EIF4G3: variants seen among roughly 807,000 people sequenced by gnomAD.
EIF4G3 encodes eukaryotic translation initiation factor 4 gamma 3.
In EIF4G3, 34 loss-of-function variants were observed where a neutral mutation model predicts 186.4. That is an observed-to-expected ratio of 0.18 (90% CI 0.14 to 0.24). EIF4G3 has a LOEUF of 0.24. Ranked by LOEUF, EIF4G3 falls within the 10% of genes least tolerant of loss-of-function variation. EIF4G3 has a pLI of 1.00. For missense variants in EIF4G3, 1,536 were observed against 1,948.5 expected, an observed-to-expected ratio of 0.79 and a Z score of 3.99; for synonymous variants, 673 against 679.5, an observed-to-expected ratio of 0.99 and a Z score of 0.15.
At chr1:20,879,217 A>G in intron 20 of EIF4G3, 106 bp downstream of exon 20, 2 of 798,422 alleles carry the variant, frequency 2.5e-6, no homozygotes, top group Non-Finnish European at 3.7e-6. Flanking sequence ...CTAAAAATAT[A>G]TTCTCCCCTT....
At chr1:21,105,076 T>C (rs996063899) in intron 2 of EIF4G3, among the ~76,000 whole-genome samples, 1 of 151,594 alleles carries the variant, frequency 6.6e-6, no homozygotes, top group African/African-American at 2.4e-5. Flanking sequence ...GAGTGGAGAG[T>C]GAGGGTTGAA....
At chr1:21,170,210 C>CAAA (rs2097930205) in intron 2 of EIF4G3, among the ~76,000 whole-genome samples, 1 of 151,988 alleles carries the variant, frequency 6.6e-6, no homozygotes, top group African/African-American at 2.4e-5. Flanking sequence ...AACAAACAAA[C>CAAA]AAACAAATAA....
intron 2 of EIF4G3, among the ~76,000 whole-genome samples, chr1:21,152,368 A>T (rs114427924): frequency 0.018 from 2,699 of 151,148 alleles, 39 homozygotes; most frequent in Non-Finnish European, 0.028. Context: ...TAAAATTTTT[A>T]AAAAAATCTT....
chr1:20,820,600 AGTAGGGGCTCATGGTGC>A (rs1290417787), intron 33 of EIF4G3, among the ~76,000 whole-genome samples: 1 of 152,152 alleles, frequency 6.6e-6, no homozygotes, highest in African/African-American at 2.4e-5. Context: ...AGCAGAGTGG[AGTAGGGGCTCATGGTGC>A]CTCTTCCAGG....
At chr1:21,160,443 T>G (rs145855309) in intron 2 of EIF4G3, among the ~76,000 whole-genome samples, 1 of 152,122 alleles carries the variant, frequency 6.6e-6, no homozygotes, top group Non-Finnish European at 1.5e-5. Flanking sequence ...TTGAGAAGAT[T>G]CTAACATTGT....
At chr1:21,142,349 T>C (rs1041789871) in intron 2 of EIF4G3, among the ~76,000 whole-genome samples, 1 of 147,104 alleles carries the variant, frequency 6.8e-6, no homozygotes, top group Non-Finnish European at 1.5e-5. Context: ...AAAAAAAAAA[T>C]ACAAAAATTA....
At chr1:20,966,339 GAAGTTAAATCT>G (rs1178333330) in intron 12 of EIF4G3, among the ~76,000 whole-genome samples, 3 of 152,150 alleles carry the variant, frequency 2.0e-5, no homozygotes, top group African/African-American at 7.2e-5. Context: ...TAGTAAAACT[GAAGTTAAATCT>G]AATGAGTCTT....
At chr1:20,999,288 T>C in intron 6 of EIF4G3, 1 of 324,774 alleles carries the variant, frequency 3.1e-6, no homozygotes, top group South Asian at 2.6e-5. Context: ...GCAGAAAATT[T>C]TCTCTTCAAA....
intron 3 of EIF4G3, among the ~76,000 whole-genome samples, chr1:21,073,344 A>C (rs1280649801): frequency 6.6e-6 from 1 of 152,194 alleles, no homozygotes; most frequent in African/African-American, 2.4e-5. Context: ...AATTAATGAA[A>C]ATTAAATAAA....
chr1:21,014,006 C>T (rs2088031927), intron 4 of EIF4G3, among the ~76,000 whole-genome samples: 1 of 152,142 alleles, frequency 6.6e-6, no homozygotes, highest in Non-Finnish European at 1.5e-5. Flanking sequence ...TCCGTCTCTA[C>T]TACAAATATA....
At chr1:20,963,712 G>C (rs2073971650) in intron 12 of EIF4G3, among the ~76,000 whole-genome samples, 1 of 152,010 alleles carries the variant, frequency 6.6e-6, no homozygotes, top group South Asian at 2.1e-4. Context: ...CTAGAGCTTT[G>C]GGAGGCTGAG....
intron 14 of EIF4G3, among the ~76,000 whole-genome samples, chr1:20,906,755 GGACA>G (rs1366352970): frequency 6.6e-6 from 1 of 151,302 alleles, no homozygotes; most frequent in African/African-American, 2.4e-5. Flanking sequence ...AGAAAAAGAG[GGACA>G]GAAAGAGCAC....
At chr1:20,996,110 G>T (rs531893987) in intron 7 of EIF4G3, among the ~76,000 whole-genome samples, 43 of 152,222 alleles carry the variant, frequency 2.8e-4, no homozygotes, top group South Asian at 8.3e-4. Flanking sequence ...TTTATTATTA[G>T]TAGTAGTAAT....
chr1:20,855,063 A>G lies in EIF4G3; in HGVS notation c.3348T>C (p.Ile1116=). The G allele has an allele frequency of 1.2e-6, 2 of 1,609,256 alleles. No homozygotes were observed. Among genetic ancestry groups the G allele is most frequent in the Non-Finnish European group, 8.5e-7 (1 of 1,177,200 alleles). ...TAGGTACCAGCTGAATTTTTTCATC[A>G]ATTGTAGGCTGTAACATAAGGGACC... is the stretch of plus-strand genomic sequence containing the variant. The part of the protein sequence containing the change: ...SKFLKITKPT[I]DEKIQLVPKA... Residue 1116 remains isoleucine (I), a synonymous_variant, in exon 26 of 37, where the codon ATT becomes ATC. Coordinates refer to ENST00000602326, the MANE Select transcript of EIF4G3 (RefSeq NM_001391906.1).
At chr1:20,858,846 A>G (rs2075686877) in intron 24 of EIF4G3, among the ~76,000 whole-genome samples, 1 of 152,102 alleles carries the variant, frequency 6.6e-6, no homozygotes, top group Non-Finnish European at 1.5e-5. Flanking sequence ...AATACAAAAA[A>G]ATTAGCCAGG....
At chr1:20,895,575 G>A (rs1001630961) in intron 16 of EIF4G3, 74 bp from the exon 17 acceptor site, 30 of 1,486,846 alleles carry the variant, frequency 2.0e-5, no homozygotes, top group African/African-American at 5.6e-5. Context: ...ACGATGTTTC[G>A]ATCAATAACA....
intron 7 of EIF4G3, among the ~76,000 whole-genome samples, chr1:20,984,358 G>A (rs992356270): frequency 6.6e-6 from 1 of 151,674 alleles, no homozygotes; most frequent in Admixed American, 6.6e-5. Context: ...TAGAGACGGG[G>A]TTTCACCATA....
intron 4 of EIF4G3, among the ~76,000 whole-genome samples, chr1:21,006,315 A>G (rs1199522587): frequency 6.6e-6 from 1 of 152,236 alleles, no homozygotes; most frequent in Non-Finnish European, 1.5e-5. Context: ...GTTTCATGTC[A>G]AATGCACAGA....
intron 2 of EIF4G3, among the ~76,000 whole-genome samples, chr1:21,172,634 C>T (rs980745450): frequency 3.9e-5 from 6 of 152,098 alleles, no homozygotes; most frequent in Admixed American, 6.5e-5. Context: ...CTGCAATCTC[C>T]GCCTCGCGGG....
Sources: allele counts gnomAD v4.1 joint callset (sites outside exome capture counted in the v4.1 genomes callset), GRCh38; gene constraint gnomAD v4.1.1; transcripts MANE v1.5; gene names NCBI Gene and HGNC (gene_info 2026-07-23, HGNC 2026-07-21).